Variants in ZP3 observed in about 807,000 individuals in gnomAD.
The protein encoded by ZP3 is zona pellucida glycoprotein 3.
ZP3 carries 21 observed loss-of-function variants against 35.6 expected under a neutral mutation model. The observed-to-expected ratio is 0.59, with a 90% CI of 0.42 to 0.85. The LOEUF (loss-of-function observed/expected upper bound fraction) is 0.85. Among genes scored for constraint, ZP3 ranks in the 40% least tolerant of loss-of-function variants. The pLI is 0.00. For missense variants in ZP3, 437 were observed against 536.5 expected (o/e 0.81, Z 1.83); for synonymous variants, 207 against 214.5 (o/e 0.96, Z 0.31).
chr7:76,398,747 G>A (rs151130668), intron 1 of ZP3: 2 of 1,613,560 alleles, frequency 1.2e-6, no homozygotes, highest in Non-Finnish European at 1.7e-6. Flanking sequence ...GTCGTAGGAG[G>A]TGCTCTACTG....
intron 5 of ZP3, among the ~76,000 whole-genome samples, chr7:76,437,300 T>A (rs564169392): frequency 5.4e-3 from 806 of 148,810 alleles, no homozygotes; most frequent in African/African-American, 0.019. Context: ...TCAGCCTCCC[T>A]AATAGTTGGA....
chr7:76,441,433 G>A (rs1806196762), intron 7 of ZP3, among the ~76,000 whole-genome samples: 1 of 151,772 alleles, frequency 6.6e-6, no homozygotes, highest in South Asian at 2.1e-4. Flanking sequence ...CTGTCCTCCA[G>A]GCTGGAGAGC....
chr7:76,436,030 C>CTTTTTTTTTTTTTTTTTTT (rs60553917), intron 5 of ZP3, among the ~76,000 whole-genome samples: 1 of 74,248 alleles, frequency 1.3e-5, no homozygotes, highest in Non-Finnish European at 2.6e-5. Flanking sequence ...CCCCCGCCCC[C>CTTTTTTTTTTTTTTTTTTT]TTTTTTTTTT....
intron 1 of ZP3, chr7:76,398,905 C>G: frequency 2.7e-6 from 3 of 1,091,974 alleles, no homozygotes; most frequent in Non-Finnish European, 4.1e-6. Flanking sequence ...GCCGCCAGAG[C>G]CTCTGGCCAC....
intron 7 of ZP3, 52 bp downstream of exon 7, chr7:76,440,663 G>T (rs551352828): frequency 6.4e-7 from 1 of 1,557,794 alleles, no homozygotes; most frequent in East Asian, 2.3e-5. Flanking sequence ...CTCAGTTGAG[G>T]GTACCTGCTG....
intron 2 of ZP3, among the ~76,000 whole-genome samples, chr7:76,432,290 G>A (rs571501691): frequency 6.6e-6 from 1 of 151,736 alleles, no homozygotes; most frequent in African/African-American, 2.4e-5. Context: ...CGAGGTTCAC[G>A]CCATTCTCCT....
intron 5 of ZP3, among the ~76,000 whole-genome samples, chr7:76,437,470 CTTTTT>C (rs71521129): frequency 4.4e-5 from 6 of 134,878 alleles, no homozygotes; most frequent in Admixed American, 7.6e-5. Context: ...ACACTCCCCT[CTTTTT>C]TTTTTTTTTT....
At chr7:76,438,151 C>T (rs1806080889) in intron 5 of ZP3, among the ~76,000 whole-genome samples, 1 of 152,200 alleles carries the variant, frequency 6.6e-6, no homozygotes, top group Admixed American at 6.6e-5. Context: ...GAATTTTAGC[C>T]CTGCCTGAAA....
At position 76,441,803 on chromosome 7, in the gene ZP3, G is replaced by A. The variant is rs370502622; in HGVS notation, c.1061-39G>A. 7 of 1,613,762 alleles carry A rather than the reference G, an allele frequency of 4.3e-6. No homozygotes were observed. The African/African-American group carries it at 5.3e-5, about 12-fold the overall frequency. On this transcript the variant is annotated intron_variant, in intron 7 of 7. Coordinates refer to ENST00000394857, the MANE Select transcript of ZP3 (RefSeq NM_001110354.2). Reference sequence around the variant, plus strand: ...ACCTCCAACCCAGTTCCCGGTTAGGGACTAAGATAACCCTTGGTTGTGTGT... The same window carrying A: ...ACCTCCAACCCAGTTCCCGGTTAGGAACTAAGATAACCCTTGGTTGTGTGT...
chr7:76,409,847 G>A (rs1354848981), intron 1 of ZP3, among the ~76,000 whole-genome samples: 2 of 147,620 alleles, frequency 1.4e-5, no homozygotes, highest in South Asian at 2.3e-4. Context: ...GGGCAGCCAA[G>A]CATCCTGATC....
At chr7:76,437,803 C>A (rs1326233886) in intron 5 of ZP3, among the ~76,000 whole-genome samples, 4 of 152,038 alleles carry the variant, frequency 2.6e-5, no homozygotes, top group African/African-American at 9.7e-5. Context: ...CCAGCCTAGA[C>A]CCTGCTTCTA....
Position 76,425,267 on chromosome 7 carries a change from C to T in ZP3, c.303C>T (p.Asn101=), listed in dbSNP as rs749076742. 3.7e-6 allele frequency: 6 copies of T among 1,606,318 alleles called. No homozygotes were observed. The East Asian group carries it at 8.9e-5, about 24-fold the overall frequency. Residue 101 remains asparagine, a synonymous_variant, in exon 1 of 8, where the codon AAC becomes AAT. Transcript: ENST00000394857. ...AGGTTGGACTCCACGAGTGTGGCAA[C>T]AGCATGCAGGTAAGAGAGGCTGGGG... The part of the protein sequence containing the change: ...RFEVGLHECG[N]SMQVTDDALV...
intron 1 of ZP3, among the ~76,000 whole-genome samples, chr7:76,416,968 AT>A (rs34738836): frequency 0.19 from 23,670 of 126,070 alleles, 2,349 homozygotes; most frequent in African/African-American, 0.3. Context: ...ATATATATAT[AT>A]ATATAATTTG....
chr7:76,425,371 G>T lies in ZP3; in HGVS notation c.312+95G>T. On this transcript the variant is annotated intron_variant, in intron 1 of 7. Coordinates refer to ENST00000394857, the MANE Select transcript of ZP3 (RefSeq NM_001110354.2). ...CACCATCGGTGGGAGGTGGGGTTGG[G>T]TGGATCCCTCTCACTTGTAGGTGGG... 5.2e-6 allele frequency: 7 copies of T among 1,356,420 alleles called. No individual in the cohort carries two copies. The South Asian group carries it at 9.9e-5, about 19-fold the overall frequency. The allele number at this position is 1,356,420 out of a possible 1,614,324, so 84.0% of individuals were successfully genotyped here.
intron 5 of ZP3, among the ~76,000 whole-genome samples, chr7:76,437,198 C>T (rs1563704063): frequency 4.4e-5 from 3 of 68,246 alleles, no homozygotes; most frequent in African/African-American, 1.3e-4. Flanking sequence ...TTTTTTTGGA[C>T]AGAGTCTCGC....
intron 1 of ZP3, among the ~76,000 whole-genome samples, chr7:76,406,953 A>ATTATTTAT (rs145911585): frequency 6.6e-6 from 1 of 151,472 alleles, no homozygotes; most frequent in African/African-American, 2.4e-5. Flanking sequence ...TCTGATTTAA[A>ATTATTTAT]TTATTTATTT....
Position 76,433,614 on chromosome 7 carries a change from C to A in ZP3, c.680C>A (p.Ala227Asp). 2.5e-6 allele frequency: 4 copies of A among 1,613,204 alleles called. No individual in the cohort carries two copies. Among genetic ancestry groups the A allele is most frequent in the Non-Finnish European group, 3.4e-6 (4 of 1,179,440 alleles). The part of the protein sequence containing the change: ...CVATPTPDQN[A>D]SPYHTIVDFH... ...GCCACACCGACACCAGACCAGAATGCCTCCCCTTATCACACCATCGTGGAC... is the reference window on the plus strand; with the variant it reads ...GCCACACCGACACCAGACCAGAATGACTCCCCTTATCACACCATCGTGGAC... Residue 227 changes from alanine to aspartate, a missense_variant, in exon 4 of 8, where the codon GCC becomes GAC. Coordinates refer to ENST00000394857, the MANE Select transcript of ZP3 (RefSeq NM_001110354.2).
intron 2 of ZP3, 89 bp downstream of exon 2, chr7:76,429,722 C>T (rs1268002761): frequency 1.8e-6 from 2 of 1,098,084 alleles, no homozygotes; most frequent in Non-Finnish European, 2.8e-6. Flanking sequence ...CTACAGCTTG[C>T]AGCATGGCTA....
intron 1 of ZP3, among the ~76,000 whole-genome samples, chr7:76,418,606 C>T (rs558680480): frequency 6.8e-6 from 1 of 146,538 alleles, no homozygotes; most frequent in South Asian, 2.2e-4. Context: ...CCTATAATCC[C>T]AGCACTTTGG....
Sources: gnomAD v4.1 joint callset for allele counts (sites outside exome capture counted in the v4.1 genomes callset) on GRCh38, gnomAD v4.1.1 for gene constraint, MANE v1.5 for transcripts, NCBI Gene and HGNC (gene_info 2026-07-23, HGNC 2026-07-21) for gene names.